RBFOX1: variants seen among roughly 807,000 people sequenced by gnomAD.
RBFOX1 encodes RNA binding fox-1 homolog 1.
A neutral mutation model predicts 57.7 loss-of-function variants in RBFOX1; 8 were observed. The ratio of observed to expected loss-of-function variants is 0.14; its 90% CI spans 0.08 to 0.25. The LOEUF is 0.25. Ranked by LOEUF, RBFOX1 falls within the 10% of genes least tolerant of loss-of-function variation. The pLI, the probability that RBFOX1 is intolerant of heterozygous loss-of-function variation, is 1.00. For synonymous variants in RBFOX1, 326 were observed against 222.4 expected, an observed-to-expected ratio of 1.47 and a Z score of -4.15; for missense variants, 611 against 548.5, an observed-to-expected ratio of 1.11 and a Z score of -1.14.
chr16:7,438,735 G>A (rs2098742081), intron 4 of RBFOX1, among the ~76,000 whole-genome samples: 1 of 152,180 alleles, frequency 6.6e-6, no homozygotes, highest in African/African-American at 2.4e-5. Context: ...ATTGAGCTGA[G>A]GCTATGGTTC....
chr16:7,489,527 A>T (rs1174957083), intron 4 of RBFOX1, among the ~76,000 whole-genome samples: 1 of 150,338 alleles, frequency 6.7e-6, no homozygotes, highest in Non-Finnish European at 1.5e-5. Flanking sequence ...TTTTTTTTTG[A>T]GATAGAGTCT....
chr16:6,247,471 A>G (rs2097575644), intron 1 of RBFOX1, among the ~76,000 whole-genome samples: 1 of 152,224 alleles, frequency 6.6e-6, no homozygotes, highest in African/African-American at 2.4e-5. Context: ...CATGAATGAG[A>G]AAATATAATA....
intron 3 of RBFOX1, among the ~76,000 whole-genome samples, chr16:6,903,600 A>C (rs1159352784): frequency 6.6e-6 from 1 of 152,096 alleles, no homozygotes; most frequent in Non-Finnish European, 1.5e-5. Context: ...ACTGGTGGGG[A>C]GGTTTCAGTC....
At chr16:6,879,585 T>G (rs1012751173) in intron 3 of RBFOX1, among the ~76,000 whole-genome samples, 1 of 152,244 alleles carries the variant, frequency 6.6e-6, no homozygotes, top group Non-Finnish European at 1.5e-5. Flanking sequence ...ATTATCATTT[T>G]TAAAGCCAGT....
chr16:6,169,961 G>A (rs958517824), intron 1 of RBFOX1, among the ~76,000 whole-genome samples: 12 of 152,158 alleles, frequency 7.9e-5, no homozygotes, highest in African/African-American at 2.9e-4. Context: ...TAGATAGGGT[G>A]TTTTACCATG....
intron 11 of RBFOX1, among the ~76,000 whole-genome samples, chr16:7,652,362 C>G (rs1439874148): frequency 1.3e-5 from 2 of 152,042 alleles, no homozygotes; most frequent in Non-Finnish European, 2.9e-5. Flanking sequence ...TCCTCACCTC[C>G]TCATCTTGCT....
intron 3 of RBFOX1, among the ~76,000 whole-genome samples, chr16:5,642,643 C>T (rs1248338727): frequency 6.6e-6 from 1 of 152,124 alleles, no homozygotes; most frequent in East Asian, 1.9e-4. Flanking sequence ...GCCTCATGTC[C>T]TCACTGAATA....
intron 1 of RBFOX1, among the ~76,000 whole-genome samples, chr16:6,091,401 C>G (rs1226150621): frequency 6.6e-6 from 1 of 152,208 alleles, no homozygotes; most frequent in African/African-American, 2.4e-5. Context: ...TCTTATTTCT[C>G]TTTATAGAGG....
At chr16:6,780,166 T>C (rs2080490434) in intron 3 of RBFOX1, among the ~76,000 whole-genome samples, 1 of 40,912 alleles carries the variant, frequency 2.4e-5, no homozygotes, top group Non-Finnish European at 3.3e-5. Flanking sequence ...TATATTTATA[T>C]ATTTTTATAT....
Position 6,220,070 on chromosome 16 carries a change from G to A in RBFOX1, c.-126-96925G>A, listed in dbSNP as rs368444153. On this transcript the variant is annotated intron_variant, in intron 1 of 15. Coordinates refer to ENST00000550418, the MANE Select transcript of RBFOX1 (RefSeq NM_018723.4). ...TCTGTTTCTATATGAATATATAAATGTATTTATCTATATTTTTCTATATGT... is the reference window on the plus strand; with the variant it reads ...TCTGTTTCTATATGAATATATAAATATATTTATCTATATTTTTCTATATGT... Among the ~76,000 whole-genome samples the A allele has an allele frequency of 2.2e-4, 33 of 151,842 alleles. No individual in the cohort carries two copies. The East Asian group carries it at 6.4e-3, about 29-fold the overall frequency.
At chr16:7,611,900 C>A (rs1338634154) in intron 10 of RBFOX1, among the ~76,000 whole-genome samples, 2 of 152,280 alleles carry the variant, frequency 1.3e-5, no homozygotes, top group Non-Finnish European at 2.9e-5. Context: ...CATACATCAG[C>A]ACATCCCATG....
intron 2 of RBFOX1, among the ~76,000 whole-genome samples, chr16:5,547,600 G>C (rs947640088): frequency 6.6e-6 from 1 of 152,184 alleles, no homozygotes; most frequent in Non-Finnish European, 1.5e-5. Flanking sequence ...CTGTTGACAA[G>C]GATGGGAAGT....
At chr16:5,505,136 A>G (rs1316607846) in intron 2 of RBFOX1, among the ~76,000 whole-genome samples, 2 of 152,202 alleles carry the variant, frequency 1.3e-5, no homozygotes, top group African/African-American at 4.8e-5. Flanking sequence ...AGCTCAGTAA[A>G]GCTGTTATTA....
chr16:7,008,544 A>G (rs1485382028), intron 3 of RBFOX1, among the ~76,000 whole-genome samples: 2 of 152,046 alleles, frequency 1.3e-5, no homozygotes, highest in East Asian at 1.9e-4. Flanking sequence ...TGTCTCAAAA[A>G]AAAAGTAGAA....
chr16:6,471,777 A>C (rs551137945), intron 2 of RBFOX1, among the ~76,000 whole-genome samples: 7 of 152,142 alleles, frequency 4.6e-5, no homozygotes, highest in Non-Finnish European at 8.8e-5. Flanking sequence ...ACTCCTTTGC[A>C]GGCTGGCCAT....
intron 10 of RBFOX1, among the ~76,000 whole-genome samples, chr16:7,628,729 C>G (rs556242522): frequency 8.5e-5 from 13 of 152,244 alleles, no homozygotes; most frequent in African/African-American, 3.1e-4. Flanking sequence ...TCTCCTGCCT[C>G]AGTCTCCTGA....
intron 1 of RBFOX1, among the ~76,000 whole-genome samples, chr16:5,373,282 G>A (rs1466364656): frequency 2.0e-5 from 3 of 152,208 alleles, no homozygotes; most frequent in Non-Finnish European, 2.9e-5. Context: ...AGTGGGTGTG[G>A]TTTGGATTTA....
intron 1 of RBFOX1, among the ~76,000 whole-genome samples, chr16:6,192,909 C>T (rs892878561): frequency 1.3e-5 from 2 of 152,156 alleles, no homozygotes; most frequent in African/African-American, 4.8e-5. Context: ...AACAGACAAG[C>T]ACTCTTTGAG....
intron 2 of RBFOX1, among the ~76,000 whole-genome samples, chr16:5,517,422 C>T (rs2043832525): frequency 6.6e-6 from 1 of 152,194 alleles, no homozygotes; most frequent in Non-Finnish European, 1.5e-5. Flanking sequence ...GTAGCCTCTT[C>T]TCTGAGTCTG....
Sources: allele counts gnomAD v4.1 joint callset (sites outside exome capture counted in the v4.1 genomes callset), GRCh38; gene constraint gnomAD v4.1.1; transcripts MANE v1.5; gene names NCBI Gene and HGNC (gene_info 2026-07-23, HGNC 2026-07-21).